SHISA9: variants seen among roughly 807,000 people sequenced by gnomAD.
SHISA9 encodes the protein shisa family member 9, also known as protein shisa-9.
A neutral mutation model predicts 38.0 loss-of-function variants in SHISA9; 13 were observed. The ratio of observed to expected loss-of-function variants is 0.34; its 90% CI spans 0.22 to 0.54. The LOEUF is 0.54. Among genes scored for constraint, SHISA9 ranks in the 20% least tolerant of loss-of-function variants. SHISA9 has a pLI of 0.91. For missense variants in SHISA9, 538 were observed against 575.8 expected, an observed-to-expected ratio of 0.93 and a Z score of 0.67; for synonymous variants, 275 against 242.0, an observed-to-expected ratio of 1.14 and a Z score of -1.27.
At chr16:13,280,117 CTTTTTT>C in the SHISA9 span, among the ~76,000 whole-genome samples, 238 of 102,838 alleles carry the variant, frequency 2.3e-3, no homozygotes, top group African/African-American at 8.9e-3. Context: ...CTCTCTTTCT[CTTTTTT>C]TTTTTTTTTT....
chr16:13,186,032 C>T (rs968861805), intron 2 of SHISA9, among the ~76,000 whole-genome samples: 14 of 152,212 alleles, frequency 9.2e-5, no homozygotes, highest in Middle Eastern at 3.4e-3. Flanking sequence ...TCCATGGTAG[C>T]GAATTGGCTG....
At chr16:13,098,325 T>C (rs2073846761) in intron 2 of SHISA9, among the ~76,000 whole-genome samples, 1 of 152,212 alleles carries the variant, frequency 6.6e-6, no homozygotes, top group Admixed American at 6.5e-5. Context: ...CACTGTGGCC[T>C]TTATTGCATC....
chr16:13,479,486 A>T, the SHISA9 span, among the ~76,000 whole-genome samples: 2 of 152,180 alleles, frequency 1.3e-5, no homozygotes, highest in Non-Finnish European at 1.5e-5. Context: ...ACTCTAGGAG[A>T]TGTCACTGAA....
the SHISA9 span, among the ~76,000 whole-genome samples, chr16:13,458,021 T>C: frequency 5.3e-5 from 8 of 152,026 alleles, no homozygotes; most frequent in Non-Finnish European, 8.8e-5. Flanking sequence ...TCAATGACAA[T>C]GTCTGACATG....
chr16:13,561,165 C>G, the SHISA9 span, among the ~76,000 whole-genome samples: 1 of 152,284 alleles, frequency 6.6e-6, no homozygotes, highest in East Asian at 1.9e-4. Context: ...CCGCGCCTGG[C>G]CTTAACATCT....
At chr16:12,994,653 A>C (rs532989423) in intron 2 of SHISA9, among the ~76,000 whole-genome samples, 87 of 152,308 alleles carry the variant, frequency 5.7e-4, no homozygotes, top group African/African-American at 2.0e-3. Context: ...TAGTTGACTC[A>C]CTGTGGTATC....
chr16:13,136,428 C>G (rs754610979), intron 2 of SHISA9, among the ~76,000 whole-genome samples: 37 of 51,124 alleles, frequency 7.2e-4, no homozygotes, highest in Non-Finnish European at 7.0e-4. Flanking sequence ...TTTGGAGTTT[C>G]GCTCTTGTTG....
the SHISA9 span, among the ~76,000 whole-genome samples, chr16:13,484,406 A>G: frequency 6.6e-6 from 1 of 152,162 alleles, no homozygotes; most frequent in Non-Finnish European, 1.5e-5. Flanking sequence ...GTGTGCCTCT[A>G]CAGCACCAGT....
chr16:13,384,097 G>C, the SHISA9 span, among the ~76,000 whole-genome samples: 1 of 152,118 alleles, frequency 6.6e-6, no homozygotes, highest in Non-Finnish European at 1.5e-5. Flanking sequence ...CCTTTCAACT[G>C]GTTTATACAT....
At chr16:13,290,288 C>A in the SHISA9 span, among the ~76,000 whole-genome samples, 17 of 151,948 alleles carry the variant, frequency 1.1e-4, no homozygotes, top group African/African-American at 3.9e-4. Context: ...CCCTTAAGTA[C>A]TATGTTGGTT....
intron 3 of SHISA9, 29 bp downstream of exon 3, chr16:13,203,578 C>G (rs772855438): frequency 3.1e-5 from 45 of 1,452,728 alleles, no homozygotes; most frequent in African/African-American, 7.1e-5. Context: ...ATCTTTTTCT[C>G]TTTCTCCTCT....
chr16:13,437,550 C>T, the SHISA9 span, among the ~76,000 whole-genome samples: 1 of 152,122 alleles, frequency 6.6e-6, no homozygotes. Flanking sequence ...CCAGCCTGGC[C>T]CCAGGGCCCG....
At chr16:13,151,054 A>G (rs2050494790) in intron 2 of SHISA9, among the ~76,000 whole-genome samples, 1 of 152,144 alleles carries the variant, frequency 6.6e-6, no homozygotes, top group Non-Finnish European at 1.5e-5. Flanking sequence ...TATCATTAGC[A>G]TGAGGTGGGA....
chr16:13,479,837 G>C, the SHISA9 span, among the ~76,000 whole-genome samples: 1 of 152,160 alleles, frequency 6.6e-6, no homozygotes, highest in Non-Finnish European at 1.5e-5. Context: ...ATTCCCATGT[G>C]TGTGAAAATT....
At chr16:12,962,211 C>G (rs2141794626) in intron 2 of SHISA9, among the ~76,000 whole-genome samples, 1 of 152,300 alleles carries the variant, frequency 6.6e-6, no homozygotes, top group Non-Finnish European at 1.5e-5. Flanking sequence ...GACAACAGCC[C>G]TAGGAGGCAG....
intron 2 of SHISA9, among the ~76,000 whole-genome samples, chr16:13,097,442 G>C (rs2073839249): frequency 6.6e-6 from 1 of 151,686 alleles, no homozygotes; most frequent in African/African-American, 2.4e-5. Flanking sequence ...TTTTGAGTGG[G>C]GTTTTGCTTT....
chr16:12,947,335 C>G (rs915271226), intron 2 of SHISA9, among the ~76,000 whole-genome samples: 1 of 152,180 alleles, frequency 6.6e-6, no homozygotes, highest in Non-Finnish European at 1.5e-5. Flanking sequence ...TGAAGAAATC[C>G]ACTTAAGGCT....
At chr16:13,346,421 A>G in the SHISA9 span, among the ~76,000 whole-genome samples, 1 of 152,170 alleles carries the variant, frequency 6.6e-6, no homozygotes, top group African/African-American at 2.4e-5. Context: ...TCGTCTCTCA[A>G]TCAAGTGCAT....
chr16:13,208,216 T>A (rs1351136690), intron 3 of SHISA9, among the ~76,000 whole-genome samples: 1 of 152,174 alleles, frequency 6.6e-6, no homozygotes, highest in Non-Finnish European at 1.5e-5. Flanking sequence ...TAAATAATTC[T>A]ACTCATTCTA....
Sources: gnomAD v4.1 joint callset for allele counts (sites outside exome capture counted in the v4.1 genomes callset) on GRCh38, gnomAD v4.1.1 for gene constraint, MANE v1.5 for transcripts, NCBI Gene and HGNC (gene_info 2026-07-23, HGNC 2026-07-21) for gene names.